VMP1: variants seen among roughly 807,000 people sequenced by gnomAD.
VMP1 encodes the protein ectopic P-granules autophagy protein 3 homolog.
VMP1 carries 11 observed loss-of-function variants against 56.0 expected under a neutral mutation model. That is an observed-to-expected ratio of 0.20 (90% CI 0.12 to 0.32). The LOEUF (loss-of-function observed/expected upper bound fraction) is 0.32. Ranked by LOEUF, VMP1 falls within the 10% of genes least tolerant of loss-of-function variation. The pLI is 1.00. For synonymous variants in VMP1, 149 were observed against 165.0 expected (o/e 0.90, Z 0.74); for missense variants, 296 against 490.3 (o/e 0.60, Z 3.74).
intron 5 of VMP1, among the ~76,000 whole-genome samples, chr17:59,751,920 T>G (rs2035667056): frequency 6.6e-6 from 1 of 151,984 alleles, no homozygotes; most frequent in Non-Finnish European, 1.5e-5. Context: ...GCTCAAGAGA[T>G]CTTCCCACCT....
At chr17:59,837,086 C>T (rs2039006845) in intron 10 of VMP1, among the ~76,000 whole-genome samples, 1 of 151,722 alleles carries the variant, frequency 6.6e-6, no homozygotes, top group African/African-American at 2.4e-5. Flanking sequence ...GCCTGTAATC[C>T]CAGCTACTTG....
At position 59,735,456 on chromosome 17, in the gene VMP1, G is replaced by C; in HGVS notation, c.195G>C (p.Leu65Phe). The C allele has an allele frequency of 6.2e-7, 1 of 1,614,028 alleles. No individual in the cohort carries two copies. The highest frequency in any genetic ancestry group is 8.5e-7 in the Non-Finnish European group (1 of 1,179,974). The change falls in exon 3 of 12, where the codon TTG (leucine) becomes TTC (phenylalanine). Residue 65 changes from leucine (L) to phenylalanine (F), a missense_variant. Transcript: ENST00000262291. ...QYFSLEILVI[L>F]KEWTSKLWHR... ...TTTCTCTGGAAATCCTTGTAATCTT[G>C]AAGGAATGGACCTCAAAGTAAAGAG... is the stretch of plus-strand genomic sequence containing the variant.
At chr17:59,818,693 G>A (rs898459705) in intron 10 of VMP1, among the ~76,000 whole-genome samples, 6 of 150,112 alleles carry the variant, frequency 4.0e-5, no homozygotes, top group Non-Finnish European at 3.0e-5. Context: ...AGCTGAGAGC[G>A]CGTCATTGCA....
In VMP1 at chr17:59,735,348, A is replaced by T. The variant is rs754951125; in HGVS notation, c.87A>T (p.Ser29=). 6.2e-7 allele frequency: 1 copy of T among 1,614,058 alleles called. No individual in the cohort carries two copies. The highest frequency in any genetic ancestry group is 8.5e-7 in the Non-Finnish European group (1 of 1,179,978). ...ACTATTGTTTTTCAGACCCCTCTTC[A>T]GTGAATGAAAAGAAGAGGAGGGAGC... ...HHNGNFTDPS[S]VNEKKRRERE... is the part of the protein sequence containing the mutation. Residue 29 remains serine, a synonymous_variant, in exon 3 of 12, where the codon TCA becomes TCT. Transcript: ENST00000262291.
chr17:59,724,223 A>AG (rs945401170), intron 1 of VMP1, among the ~76,000 whole-genome samples: 2 of 150,942 alleles, frequency 1.3e-5, no homozygotes, highest in African/African-American at 4.9e-5. Flanking sequence ...AAAAAAAAAA[A>AG]AAAGAAAGAA....
intron 7 of VMP1, among the ~76,000 whole-genome samples, chr17:59,802,109 G>A (rs1479474257): frequency 6.6e-6 from 1 of 152,022 alleles, no homozygotes; most frequent in African/African-American, 2.4e-5. Context: ...TTTGAGGTGT[G>A]AGAATCGCTT....
intron 7 of VMP1, among the ~76,000 whole-genome samples, chr17:59,804,643 A>G (rs2037788389): frequency 6.6e-6 from 1 of 151,382 alleles, no homozygotes. Context: ...AAAAAGTGAA[A>G]TAAATTTAAA....
intron 6 of VMP1, among the ~76,000 whole-genome samples, chr17:59,767,716 C>G (rs1418854378): frequency 6.6e-6 from 1 of 152,104 alleles, no homozygotes; most frequent in Admixed American, 6.6e-5. Flanking sequence ...TTTACACATG[C>G]TTTAAATTAG....
At chr17:59,778,540 CA>C (rs58638800) in intron 7 of VMP1, among the ~76,000 whole-genome samples, 57,796 of 119,388 alleles carry the variant, frequency 0.48, 13,498 homozygotes, top group African/African-American at 0.71. Flanking sequence ...GACTCTGTCT[CA>C]AAAAAAAAAA....
At chr17:59,838,126 A>G (rs1220755302) in intron 10 of VMP1, 169 bp from the exon 11 acceptor site, 2 of 353,878 alleles carry the variant, frequency 5.7e-6, no homozygotes, top group East Asian at 4.4e-5. Context: ...TTTTTTAACT[A>G]AAAAGGGGTC....
chr17:59,791,175 C>G (rs2037211077), intron 7 of VMP1, among the ~76,000 whole-genome samples: 1 of 132,960 alleles, frequency 7.5e-6, no homozygotes, highest in African/African-American at 2.6e-5. Context: ...TAAGACTGCT[C>G]CCAGTTCCCT....
At chr17:59,779,365 CCTGGCTGTG>C (rs1386688344) in intron 7 of VMP1, among the ~76,000 whole-genome samples, 1 of 152,212 alleles carries the variant, frequency 6.6e-6, no homozygotes, top group East Asian at 1.9e-4. Flanking sequence ...GAGAGACTTG[CCTGGCTGTG>C]CTGAGTAGGG....
Position 59,735,340 on chromosome 17 carries a change from C to T in VMP1, c.79C>T (p.Pro27Ser). Residue 27 changes from proline to serine, a missense_variant and splice_region_variant, in exon 3 of 12, where the codon CCC becomes TCC. Physicochemically the swap from Pro to Ser is moderately conservative, Grantham distance 74. Transcript: ENST00000262291. ...ATCTCTGCACTATTGTTTTTCAGAC[C>T]CCTCTTCAGTGAATGAAAAGAAGAG... ...KEHHNGNFTD[P>S]SSVNEKKRRE... 6.2e-7 allele frequency: 1 copy of T among 1,613,068 alleles called. No homozygotes were observed. Among genetic ancestry groups the T allele is most frequent in the Non-Finnish European group, 8.5e-7 (1 of 1,179,558 alleles).
intron 5 of VMP1, among the ~76,000 whole-genome samples, chr17:59,753,590 C>A (rs920104396): frequency 4.6e-5 from 7 of 152,166 alleles, no homozygotes; most frequent in Admixed American, 3.9e-4. Flanking sequence ...CTACAATTTA[C>A]TCTCCTATAT....
chr17:59,819,740 C>A (rs779543335), intron 10 of VMP1, among the ~76,000 whole-genome samples: 17 of 152,220 alleles, frequency 1.1e-4, no homozygotes, highest in Non-Finnish European at 1.9e-4. Context: ...GCATGAGCCT[C>A]CGCTCCCAAC....
intron 4 of VMP1, 41 bp downstream of exon 4, chr17:59,737,584 T>A: frequency 6.6e-7 from 1 of 1,515,584 alleles, no homozygotes. Context: ...TTGCACATTC[T>A]CTAATTCTCT....
chr17:59,717,259 C>T (rs1046520721), intron 1 of VMP1, among the ~76,000 whole-genome samples: 2 of 152,130 alleles, frequency 1.3e-5, no homozygotes, highest in Non-Finnish European at 1.5e-5. Flanking sequence ...CATGAGCCAC[C>T]GCGCTCGGCC....
chr17:59,791,267 C>A (rs1257700480), intron 7 of VMP1, among the ~76,000 whole-genome samples: 1 of 150,598 alleles, frequency 6.6e-6, no homozygotes, highest in Admixed American at 6.6e-5. Flanking sequence ...CGGCTGACTG[C>A]AAGCTCCACC....
intron 10 of VMP1, among the ~76,000 whole-genome samples, chr17:59,825,174 C>T (rs1285492853): frequency 6.7e-6 from 1 of 148,560 alleles, no homozygotes; most frequent in East Asian, 2.0e-4. Flanking sequence ...GCAACCTCTG[C>T]CTCCTGTGTT....
Sources: allele counts gnomAD v4.1 joint callset (sites outside exome capture counted in the v4.1 genomes callset), GRCh38; gene constraint gnomAD v4.1.1; transcripts MANE v1.5; gene names NCBI Gene and HGNC (gene_info 2026-07-23, HGNC 2026-07-21).